The following NOC2L variants were observed in gnomAD, a reference collection of about 807,000 sequenced individuals.
NOC2L encodes the protein NOC2 like nucleolar associated transcriptional repressor.
A neutral mutation model predicts 94.2 loss-of-function variants in NOC2L; 101 were observed. The observed-to-expected ratio is 1.07, with a 90% CI of 0.91 to 1.26. The LOEUF (loss-of-function observed/expected upper bound fraction) is 1.26, where lower values mean the gene tolerates loss of function less well. Ranked by LOEUF, NOC2L falls within the 50% of genes most tolerant of loss-of-function variation. The pLI, the probability that NOC2L is intolerant of heterozygous loss-of-function variation, is 0.00. For missense variants in NOC2L, 1,076 were observed against 980.1 expected, an observed-to-expected ratio of 1.10 and a Z score of -1.31; for synonymous variants, 531 against 413.4, an observed-to-expected ratio of 1.28 and a Z score of -3.45.
Position 944,535 on chromosome 1 carries a change from C to A in NOC2L, c.*159G>T. On this transcript the variant is annotated 3_prime_UTR_variant, in exon 19 of 19. Transcript: ENST00000327044. ...GCCCAGCCCAGCCCAGCTCTCGATA[C>A]GTTTGGTCTTTCATGCTGAAAAATA... The A allele has an allele frequency of 3.2e-6, 2 of 624,920 alleles. No individual in the cohort carries two copies. The highest frequency in any genetic ancestry group is 2.7e-6 in the Non-Finnish European group (1 of 368,406). 38.7% of individuals were successfully genotyped at this position (624,920 alleles called of 1,614,324 possible). A position where few individuals can be genotyped will look rare whatever the true frequency, so the allele number is the denominator to read the frequency against.
Position 956,157 on chromosome 1 carries a change from G to C in NOC2L, c.545C>G (p.Ala182Gly). 1 of 1,613,916 alleles carries C rather than the reference G, an allele frequency of 6.2e-7. No homozygotes were observed. The highest frequency in any genetic ancestry group is 8.5e-7 in the Non-Finnish European group (1 of 1,180,000). ...EVVQAFRAAVATTRGDQESAE... is the reference protein window; with the variant it reads ...EVVQAFRAAVGTTRGDQESAE... The stretch of plus-strand genomic sequence containing the variant: ...ACTTTCCTGGTCCCCTCGGGTGGTG[G>C]CCACAGCTGCTCGGAACGCCTGTAC... The change falls in exon 5 of 19, where the codon GCC (alanine) becomes GGC (glycine). Residue 182 changes from alanine to glycine, a missense_variant. Physicochemically the swap from Ala to Gly is moderately conservative, Grantham distance 60. Around this residue, in one of 3 missense-constraint regions of NOC2L, gnomAD observed 457 missense variants for 386.0 expected, o/e 1.18. Coordinates refer to ENST00000327044, the MANE Select transcript of NOC2L (RefSeq NM_015658.4).
At chr1:955,146 T>TC (rs997976569) in intron 6 of NOC2L, among the ~76,000 whole-genome samples, 1 of 152,200 alleles carries the variant, frequency 6.6e-6, no homozygotes, top group South Asian at 2.1e-4. Flanking sequence ...TCGCTGCCTG[T>TC]CCCTCCACCC....
At chr1:953,515 G>A (rs367640771) in intron 8 of NOC2L, among the ~76,000 whole-genome samples, 4 of 152,256 alleles carry the variant, frequency 2.6e-5, no homozygotes, top group Non-Finnish European at 5.9e-5. Flanking sequence ...CAGACACGCC[G>A]ACGTATGTGA....
intron 6 of NOC2L, chr1:954,410 T>G: frequency 6.8e-6 from 2 of 295,274 alleles, no homozygotes; most frequent in East Asian, 6.1e-5. Flanking sequence ...CTTGATCACA[T>G]CCCCACCGTG....
intron 17 of NOC2L, 27 bp downstream of exon 17, chr1:945,491 C>T (rs951458280): frequency 1.7e-5 from 28 of 1,612,084 alleles, no homozygotes; most frequent in Non-Finnish European, 2.3e-5. Flanking sequence ...GCCCACCCTT[C>T]CCCTGGGAGC....
chr1:952,432 C>T lies in NOC2L; in HGVS notation c.1171G>A (p.Ala391Thr), dbSNP rs142181102. The change falls in exon 10 of 19, where the codon GCC becomes ACC. Residue 391 changes from alanine to threonine, a missense_variant. By Grantham distance (58) the Ala-to-Thr change is moderately conservative. This residue lies in a region of NOC2L where 615 missense variants were observed against 577.4 expected (regional missense o/e 1.07). Transcript: ENST00000327044. ...IRQLAIHLRN[A>T]MTTRKKETYQ... The stretch of plus-strand genomic sequence containing the variant: ...CACACCTTCTTGCGAGTGGTCATGG[C>T]GTTGCGCAGGTGTATGGCGAGCTGG... 5.5e-5 allele frequency: 89 copies of T among 1,613,504 alleles called. No individual in the cohort carries two copies. The highest frequency in any genetic ancestry group is 2.7e-5 in the African/African-American group (2 of 74,930).
intron 6 of NOC2L, among the ~76,000 whole-genome samples, chr1:955,455 G>A (rs952254289): frequency 3.9e-5 from 6 of 152,132 alleles, no homozygotes; most frequent in East Asian, 3.8e-4. Flanking sequence ...AACCTTCCAC[G>A]GCCTTCTCTG....
In NOC2L at chr1:958,960, G is replaced by A. The variant is rs754105178; in HGVS notation, c.148C>T (p.Pro50Ser). 3 of 1,612,760 alleles carry A rather than the reference G, an allele frequency of 1.9e-6. No individual in the cohort carries two copies. Among genetic ancestry groups the A allele is most frequent in the Non-Finnish European group, 1.7e-6 (2 of 1,179,956 alleles). ...TREAREAARS[P>S]DKPGGSPSAS... is the part of the protein sequence containing the mutation. The stretch of plus-strand genomic sequence containing the variant: ...GAGGGGCTCCCGCCCGGCTTATCCG[G>A]ACTCCGGGCAGCCTCGCGTGCTTCC... The change falls in exon 2 of 19, where the codon CCG becomes TCG. Residue 50 changes from proline (P) to serine (S), a missense_variant. Around this residue, in one of 3 missense-constraint regions of NOC2L, gnomAD observed 457 missense variants for 386.0 expected, o/e 1.18. Transcript: ENST00000327044.
Position 956,887 on chromosome 1 carries a change from T to C in NOC2L, c.486+7A>G. ...CACCCAGCTGCCCGCCCCTGGCTGC[T>C]GCTCACCTTTGCTGCCTGCTTCCAT... On this transcript the variant is annotated splice_region_variant and intron_variant, in intron 4 of 18. Coordinates refer to ENST00000327044, the MANE Select transcript of NOC2L (RefSeq NM_015658.4). 1 of 1,613,356 alleles carries C rather than the reference T, an allele frequency of 6.2e-7. No homozygotes were observed. The highest frequency in any genetic ancestry group is 2.2e-5 in the East Asian group (1 of 44,892).
chr1:954,251 G>T, intron 6 of NOC2L, 169 bp from the exon 7 acceptor site: 1 of 607,744 alleles, frequency 1.6e-6, no homozygotes, highest in Non-Finnish European at 2.9e-6. Flanking sequence ...CAGACACAGG[G>T]GCTTAGGAGG....
intron 12 of NOC2L, among the ~76,000 whole-genome samples, chr1:949,900 C>T (rs1299511774): frequency 6.6e-6 from 1 of 152,226 alleles, no homozygotes; most frequent in African/African-American, 2.4e-5. Flanking sequence ...GCCCCAAGGA[C>T]AGCTGTGACA....
chr1:953,199 G>A lies in NOC2L; in HGVS notation c.978C>T (p.Asp326=), dbSNP rs777220420. Residue 326 remains aspartate, a synonymous_variant, in exon 9 of 19, where the codon GAC becomes GAT. Coordinates refer to ENST00000327044, the MANE Select transcript of NOC2L (RefSeq NM_015658.4). ...CCTTGAGGACGGGGCCAAGGAAAGTGTCCTTCTTGTGCCGGCAGACTCTGC... is the reference window on the plus strand; with the variant it reads ...CCTTGAGGACGGGGCCAAGGAAAGTATCCTTCTTGTGCCGGCAGACTCTGC... ...VLSRVCRHKK[D]TFLGPVLKQM... 1.1e-5 allele frequency: 17 copies of A among 1,612,850 alleles called. No homozygotes were observed. The highest frequency in any genetic ancestry group is 1.4e-5 in the Non-Finnish European group (16 of 1,179,302).
In NOC2L at chr1:952,484, G is replaced by A. The variant is rs1171176444; in HGVS notation, c.1119C>T (p.Ala373=). Residue 373 remains alanine, a synonymous_variant, in exon 10 of 19, where the codon GCC becomes GCT. Transcript: ENST00000327044. ...GGATGTAGAGGAAGGCGTGCTGGTAGGCCACACCCGGCTCCAGGGCCAGCA... is the reference window on the plus strand; with the variant it reads ...GGATGTAGAGGAAGGCGTGCTGGTAAGCCACACCCGGCTCCAGGGCCAGCA... ...TELLALEPGV[A]YQHAFLYIRQ... 2 of 1,613,782 alleles carry A rather than the reference G, an allele frequency of 1.2e-6. No individual in the cohort carries two copies. Among genetic ancestry groups the A allele is most frequent in the Admixed American group, 1.7e-5 (1 of 60,026 alleles).
At chr1:950,329 GCA>G (rs1330130315) in intron 12 of NOC2L, among the ~76,000 whole-genome samples, 7 of 151,384 alleles carry the variant, frequency 4.6e-5, no homozygotes, top group South Asian at 4.2e-4. Context: ...ACACATGCAT[GCA>G]CACAGATGCA....
intron 16 of NOC2L, 71 bp from the exon 17 acceptor site, chr1:945,724 TCGCCAGACCCAC>T: frequency 1.3e-6 from 2 of 1,599,524 alleles, no homozygotes; most frequent in Non-Finnish European, 1.7e-6. Flanking sequence ...GGGCCAGGCA[TCGCCAGACCCAC>T]CACCAGGGCC....
At chr1:958,435 A>T (rs1275472352) in intron 2 of NOC2L, 2 of 327,932 alleles carry the variant, frequency 6.1e-6, no homozygotes, top group Non-Finnish European at 1.2e-5. Context: ...TTTTTAGTAG[A>T]GACATGATTT....
rs546502598 is a variant in NOC2L, at chr1:953,012, C to T, written c.1002+163G>A. 5.9e-5 allele frequency among the ~76,000 whole-genome samples: 9 copies of T among 152,322 alleles called. No individual in the cohort carries two copies. The East Asian group carries it at 1.5e-3, about 26-fold the overall frequency. On this transcript the variant is annotated intron_variant, in intron 9 of 18. Transcript: ENST00000327044. ...GGGCTCTCTTCCCTGCCCACCACCCCCAGGTGCTCTGTGAGACATTCGTGA... is the reference window on the plus strand; with the variant it reads ...GGGCTCTCTTCCCTGCCCACCACCCTCAGGTGCTCTGTGAGACATTCGTGA...
At position 957,141 on chromosome 1, in the gene NOC2L, C is replaced by A; in HGVS notation, c.312G>T (p.Glu104Asp). ...GGGAGTGGAACGGCCCCTCTTCCTC[C>A]TCAGAGCTGTCCGAGTCGCTGAAGT... Reference protein sequence around the residue: ...LLNFSDSDSSEEEEGPFHSLP... With the variant: ...LLNFSDSDSSDEEEGPFHSLP... The change falls in exon 3 of 19, where the codon GAG becomes GAT. Residue 104 changes from glutamate (E) to aspartate (D), a missense_variant. By Grantham distance (45) the Glu-to-Asp change is conservative. Transcript: ENST00000327044. The A allele has an allele frequency of 1.2e-6, 2 of 1,614,108 alleles. No homozygotes were observed. Among genetic ancestry groups the A allele is most frequent in the Non-Finnish European group, 1.7e-6 (2 of 1,180,044 alleles).
At chr1:953,460 G>A (rs942993840) in intron 8 of NOC2L, among the ~76,000 whole-genome samples, 172 bp from the exon 9 acceptor site, 7 of 152,374 alleles carry the variant, frequency 4.6e-5, no homozygotes, top group Non-Finnish European at 8.8e-5. Context: ...AACAGAACAG[G>A]TGTGTTGCTC....
Sources: allele counts gnomAD v4.1 joint callset (sites outside exome capture counted in the v4.1 genomes callset), GRCh38; gene constraint gnomAD v4.1.1; regional missense constraint gnomAD v4.1.1; transcripts MANE v1.5; gene names NCBI Gene and HGNC (gene_info 2026-07-23, HGNC 2026-07-21).